Variants in DPF3 observed in about 807,000 individuals in gnomAD.
DPF3 encodes the protein double PHD fingers 3, also known as zinc finger protein DPF3.
Under a neutral mutation model 56.8 loss-of-function variants are expected in DPF3, and 18 were observed. The observed-to-expected ratio is 0.32, with a 90% CI of 0.22 to 0.47. The LOEUF (loss-of-function observed/expected upper bound fraction) is 0.47, where lower values mean the gene tolerates loss of function less well. Among genes scored for constraint, DPF3 ranks in the 20% least tolerant of loss-of-function variants. The pLI is 1.00. For missense variants in DPF3, 403 were observed against 488.8 expected (o/e 0.82, Z 1.65); for synonymous variants, 188 against 180.2 (o/e 1.04, Z -0.35).
At chr14:72,803,709 C>G (rs1001392197) in intron 1 of DPF3, among the ~76,000 whole-genome samples, 4 of 152,180 alleles carry the variant, frequency 2.6e-5, no homozygotes, top group Non-Finnish European at 4.4e-5. Flanking sequence ...CCAGGACTAG[C>G]CTCAGAGTGA....
intron 1 of DPF3, among the ~76,000 whole-genome samples, chr14:72,861,026 TACACACACACACACAC>T (rs10570653): frequency 0.3 from 44,519 of 147,636 alleles, 6,794 homozygotes; most frequent in East Asian, 0.5. Context: ...GTTCTCACTA[TACACACACACACACAC>T]ACACACACAC....
intron 7 of DPF3, among the ~76,000 whole-genome samples, chr14:72,690,983 G>A (rs1887654518): frequency 6.6e-6 from 1 of 152,206 alleles, no homozygotes; most frequent in Non-Finnish European, 1.5e-5. Context: ...GGAGAGAAAG[G>A]GAAATGCAAG....
In DPF3 at chr14:72,648,071, C is replaced by T. The variant is rs913153355; in HGVS notation, c.872-18335G>A. Among the ~76,000 whole-genome samples the T allele has an allele frequency of 6.6e-5, 10 of 152,200 alleles. 1 individual carries two copies. Among genetic ancestry groups the T allele is most frequent in the Non-Finnish European group, 1.3e-4 (9 of 68,040 alleles). ...ATACCAACTCTTCACCTACTCTTGG[C>T]CTATACCAAGCACAGAAAAATACAC... is the stretch of plus-strand genomic sequence containing the variant. On this transcript the variant is annotated intron_variant, in intron 8 of 10. Transcript: ENST00000556509.
At chr14:72,655,892 T>A (rs1474793222) in intron 8 of DPF3, among the ~76,000 whole-genome samples, 2 of 152,238 alleles carry the variant, frequency 1.3e-5, no homozygotes. Flanking sequence ...AGAGGTCATC[T>A]AACCCATGCC....
In DPF3 at chr14:72,741,725, G is replaced by A. The variant is rs866221934; in HGVS notation, c.302-9791C>T. On this transcript the variant is annotated intron_variant, in intron 3 of 10. Transcript: ENST00000556509. ...TGCCAAGCCTCATGCTGGGTGCTAGGGATACAGATGAAGAAACAGATGGGC... is the reference window on the plus strand; with the variant it reads ...TGCCAAGCCTCATGCTGGGTGCTAGAGATACAGATGAAGAAACAGATGGGC... Among the ~76,000 whole-genome samples the A allele has an allele frequency of 5.9e-5, 9 of 152,348 alleles. No individual in the cohort carries two copies. The Middle Eastern group carries it at 0.014, about 230-fold the overall frequency.
At chr14:72,860,968 G>T (rs1015534583) in intron 1 of DPF3, among the ~76,000 whole-genome samples, 3 of 151,898 alleles carry the variant, frequency 2.0e-5, no homozygotes, top group Non-Finnish European at 4.4e-5. Context: ...GCTTCCCCAA[G>T]TAGGAAAGAG....
intron 7 of DPF3, among the ~76,000 whole-genome samples, chr14:72,690,615 GCA>G (rs150119283): frequency 2.2e-4 from 33 of 148,560 alleles, no homozygotes; most frequent in Middle Eastern, 3.4e-3. Context: ...CAACATGCAC[GCA>G]CACACACACA....
intron 1 of DPF3, among the ~76,000 whole-genome samples, chr14:72,822,597 A>G (rs2140036905): frequency 6.6e-6 from 1 of 152,350 alleles, no homozygotes; most frequent in South Asian, 2.1e-4. Flanking sequence ...ATGTGAAAAC[A>G]GGGGTGACAG....
At chr14:72,883,482 C>A (rs1886395188) in intron 1 of DPF3, among the ~76,000 whole-genome samples, 1 of 151,560 alleles carries the variant, frequency 6.6e-6, no homozygotes, top group Non-Finnish European at 1.5e-5. Context: ...GAGAGTGAGA[C>A]CCTATCTCCA....
chr14:72,867,128 C>T (rs1022000613), intron 1 of DPF3, among the ~76,000 whole-genome samples: 6 of 151,974 alleles, frequency 3.9e-5, no homozygotes, highest in African/African-American at 9.7e-5. Context: ...AACTCCCGGG[C>T]TCCAACAATC....
chr14:72,661,854 C>CTTTTTTTTTTTTT (rs60114618), intron 8 of DPF3: 7 of 699,764 alleles, frequency 1.0e-5, no homozygotes, highest in African/African-American at 2.5e-5. Context: ...TTTATTTTTG[C>CTTTTTTTTTTTTT]TTTTTTTTTT....
intron 6 of DPF3, among the ~76,000 whole-genome samples, chr14:72,697,822 G>A (rs1170942972): frequency 1.3e-5 from 2 of 152,180 alleles, no homozygotes; most frequent in Admixed American, 6.5e-5. Flanking sequence ...GGAAAAGGGA[G>A]TGAGTAAGAA....
intron 1 of DPF3, among the ~76,000 whole-genome samples, chr14:72,848,952 C>T (rs1023701260): frequency 1.3e-5 from 2 of 152,200 alleles, no homozygotes; most frequent in African/African-American, 2.4e-5. Flanking sequence ...AAGCGCTTCA[C>T]ATACATTATG....
At chr14:72,626,577 A>G (rs960464117) in intron 9 of DPF3, among the ~76,000 whole-genome samples, 1 of 152,056 alleles carries the variant, frequency 6.6e-6, no homozygotes, top group Non-Finnish European at 1.5e-5. Flanking sequence ...TTCAACAACT[A>G]CTCTTCCATA....
intron 7 of DPF3, among the ~76,000 whole-genome samples, chr14:72,682,662 G>A (rs912166299): frequency 2.6e-5 from 4 of 152,206 alleles, no homozygotes; most frequent in African/African-American, 4.8e-5. Context: ...ACAGAAAGCC[G>A]TATTTAAGAA....
At chr14:72,739,286 A>G (rs950654208) in intron 3 of DPF3, among the ~76,000 whole-genome samples, 1 of 152,060 alleles carries the variant, frequency 6.6e-6, no homozygotes, top group Non-Finnish European at 1.5e-5. Flanking sequence ...AGACAACCAG[A>G]AAGTGCAAAA....
Position 72,621,938 on chromosome 14 carries a change from C to T in DPF3, c.985-1954G>A, listed in dbSNP as rs377569513. Among the ~76,000 whole-genome samples, 4 of 152,254 alleles carry T rather than the reference C, an allele frequency of 2.6e-5. No homozygotes were observed. The East Asian group carries it at 5.8e-4, about 22-fold the overall frequency. On this transcript the variant is annotated intron_variant, in intron 9 of 10. Transcript: ENST00000556509. ...GGGCAACCTCAGCTATAGACATGTT[C>T]TACAGATAGGGATGACCTGGAGGCT...
intron 1 of DPF3, among the ~76,000 whole-genome samples, chr14:72,778,277 A>G (rs1891831806): frequency 6.6e-6 from 1 of 152,162 alleles, no homozygotes; most frequent in South Asian, 2.1e-4. Context: ...GGTACAAGTG[A>G]GCATTGCTGC....
chr14:72,756,910 G>GAAAGAAAGAAAGAAAGAAAGAAAA (rs1567223044), intron 2 of DPF3, among the ~76,000 whole-genome samples: 1 of 132,662 alleles, frequency 7.5e-6, no homozygotes, highest in Non-Finnish European at 1.5e-5. Context: ...AAGAAAAAAA[G>GAAAGAAAGAAAGAAAGAAAGAAAA]AAAGAAAGAA....
Sources: allele counts gnomAD v4.1 joint callset (sites outside exome capture counted in the v4.1 genomes callset), GRCh38; gene constraint gnomAD v4.1.1; transcripts MANE v1.5; gene names NCBI Gene and HGNC (gene_info 2026-07-23, HGNC 2026-07-21).